The following KCND3 variants were observed in gnomAD, a reference collection of about 807,000 sequenced individuals.
KCND3 encodes the protein A-type voltage-gated potassium channel KCND3.
KCND3 carries 9 observed loss-of-function variants against 51.1 expected under a neutral mutation model. The observed-to-expected ratio is 0.18, with a 90% CI of 0.11 to 0.31. The LOEUF is 0.31. Ranked by LOEUF, KCND3 falls within the 10% of genes least tolerant of loss-of-function variation. The pLI is 1.00. For missense variants in KCND3, 526 were observed against 903.8 expected (o/e 0.58, Z 5.36); for synonymous variants, 349 against 368.0 (o/e 0.95, Z 0.59).
At chr1:111,851,664 C>T (rs1167146237) in intron 2 of KCND3, among the ~76,000 whole-genome samples, 1 of 152,234 alleles carries the variant, frequency 6.6e-6, no homozygotes, top group Non-Finnish European at 1.5e-5. Context: ...CCTCACTAGA[C>T]GTGAGCTCCT....
rs1441984117 is a variant in KCND3, at chr1:111,982,844, C to T, written c.-72-46G>A. 23 of 1,387,496 alleles carry T rather than the reference C, an allele frequency of 1.7e-5. No homozygotes were observed. Among genetic ancestry groups the T allele is most frequent in the Non-Finnish European group, 2.0e-5 (20 of 1,015,598 alleles). 85.9% of individuals were successfully genotyped at this position (1,387,496 alleles called of 1,614,324 possible). ...GAGAGAAGCGGTGAGTCCATATCGA[C>T]TGGCAGGTAAGAAATGGGACACAGG... is the stretch of plus-strand genomic sequence containing the variant. On this transcript the variant is annotated intron_variant, in intron 1 of 7. Coordinates refer to ENST00000302127, the MANE Select transcript of KCND3 (RefSeq NM_001378969.1). The surrounding 1 kb of genome is among the most constrained non-coding windows in gnomAD (Gnocchi z 8.5).
At chr1:111,918,924 GC>G (rs1343694213) in intron 2 of KCND3, among the ~76,000 whole-genome samples, 1 of 151,894 alleles carries the variant, frequency 6.6e-6, no homozygotes, top group Non-Finnish European at 1.5e-5. Context: ...GTGTGTAGAA[GC>G]CCCTGTAGAG....
chr1:111,878,579 A>G (rs1669162613), intron 2 of KCND3, among the ~76,000 whole-genome samples: 1 of 152,212 alleles, frequency 6.6e-6, no homozygotes, highest in Non-Finnish European at 1.5e-5. Context: ...CCTCGTTGTC[A>G]AGTGTTGGTG....
chr1:111,856,242 T>G (rs1571747831), intron 2 of KCND3, among the ~76,000 whole-genome samples: 2 of 152,196 alleles, frequency 1.3e-5, no homozygotes, highest in African/African-American at 4.8e-5. Flanking sequence ...TGGGGAGATG[T>G]TTTCAGAAGT....
intron 1 of KCND3, among the ~76,000 whole-genome samples, chr1:111,988,210 G>A (rs576137554): frequency 7.2e-4 from 110 of 152,250 alleles, no homozygotes; most frequent in Admixed American, 1.7e-3. Flanking sequence ...CCCATGACCC[G>A]GAGGGCTTCT....
At chr1:111,916,919 C>T (rs924567083) in intron 2 of KCND3, among the ~76,000 whole-genome samples, 15 of 152,126 alleles carry the variant, frequency 9.9e-5, no homozygotes, top group Admixed American at 9.2e-4. Context: ...AATCTTTCCA[C>T]AAATAAAATT....
intron 2 of KCND3, among the ~76,000 whole-genome samples, chr1:111,951,983 T>C (rs747107861): frequency 6.6e-6 from 1 of 152,172 alleles, no homozygotes; most frequent in Non-Finnish European, 1.5e-5. Flanking sequence ...AGGAACAGCA[T>C]GAAAGCCAGG....
chr1:111,975,833 C>T (rs1674598416), intron 2 of KCND3, among the ~76,000 whole-genome samples: 1 of 152,144 alleles, frequency 6.6e-6, no homozygotes, highest in South Asian at 2.1e-4. Context: ...GCCTGTTGGA[C>T]TTTGCCTGTT....
intron 2 of KCND3, among the ~76,000 whole-genome samples, chr1:111,890,666 T>C (rs1669783760): frequency 6.6e-6 from 1 of 151,748 alleles, no homozygotes; most frequent in African/African-American, 2.4e-5. Context: ...TGAGTGTAAA[T>C]GGAGAAAAGG....
chr1:111,940,309 T>C (rs1204324023), intron 2 of KCND3, among the ~76,000 whole-genome samples: 1 of 152,150 alleles, frequency 6.6e-6, no homozygotes, highest in Non-Finnish European at 1.5e-5. Context: ...CCCATGCCTA[T>C]GTCCTGAATG....
At chr1:111,935,189 G>A (rs1048709332) in intron 2 of KCND3, among the ~76,000 whole-genome samples, 2 of 152,158 alleles carry the variant, frequency 1.3e-5, no homozygotes, top group African/African-American at 2.4e-5. Flanking sequence ...TAGAGTCACT[G>A]CCATTGGGAA....
At chr1:111,939,670 G>A (rs956873348) in intron 2 of KCND3, among the ~76,000 whole-genome samples, 5 of 152,312 alleles carry the variant, frequency 3.3e-5, no homozygotes, top group African/African-American at 1.2e-4. Context: ...ATTGTGAATA[G>A]TGTCACAATA....
At position 111,981,535 on chromosome 1, in the gene KCND3, C is replaced by T. The variant is rs1239424377; in HGVS notation, c.1106+86G>A. On this transcript the variant is annotated intron_variant, in intron 2 of 7. Transcript: ENST00000302127. This position sits in a 1 kb window ranked among gnomAD's most constrained non-coding sequence, Gnocchi z 6.2. ...GGGTAAGGGACTCCCTCCTCCTCTA[C>T]CCATGGTGACACCATCCAAGGTTTC... is the stretch of plus-strand genomic sequence containing the variant. The T allele has an allele frequency of 1.8e-5, 28 of 1,590,926 alleles. No individual in the cohort carries two copies. The South Asian group carries it at 2.3e-4, about 13-fold the overall frequency.
intron 2 of KCND3, among the ~76,000 whole-genome samples, chr1:111,817,501 T>TA (rs1225785011): frequency 4.6e-5 from 7 of 152,180 alleles, no homozygotes; most frequent in Non-Finnish European, 4.4e-5. Context: ...CCAAATGACT[T>TA]ACACTGGGGG....
chr1:111,835,358 A>T (rs1667023365), intron 2 of KCND3, among the ~76,000 whole-genome samples: 1 of 152,210 alleles, frequency 6.6e-6, no homozygotes, highest in Admixed American at 6.5e-5. Flanking sequence ...CATCTGTCAG[A>T]GGTGTTTGAA....
At chr1:111,821,670 C>T (rs1472835196) in intron 2 of KCND3, among the ~76,000 whole-genome samples, 1 of 152,146 alleles carries the variant, frequency 6.6e-6, no homozygotes, top group Admixed American at 6.5e-5. Flanking sequence ...CTCACCACCC[C>T]CAACTGGAGG....
chr1:111,844,201 T>C (rs1667451404), intron 2 of KCND3, among the ~76,000 whole-genome samples: 1 of 152,182 alleles, frequency 6.6e-6, no homozygotes, highest in Non-Finnish European at 1.5e-5. Context: ...GAACATGAGA[T>C]GAAAGCAAAT....
intron 2 of KCND3, among the ~76,000 whole-genome samples, chr1:111,804,009 T>C (rs1454970560): frequency 6.6e-6 from 1 of 152,184 alleles, no homozygotes; most frequent in Non-Finnish European, 1.5e-5. Context: ...CTACTTTACA[T>C]CCTTTTTATA....
chr1:111,952,203 T>C (rs911003292), intron 2 of KCND3, among the ~76,000 whole-genome samples: 8 of 152,184 alleles, frequency 5.3e-5, no homozygotes, highest in African/African-American at 1.9e-4. Context: ...GCTTTCAGCC[T>C]GGACTAGGGA....
Sources: allele counts gnomAD v4.1 joint callset (sites outside exome capture counted in the v4.1 genomes callset), GRCh38; gene constraint gnomAD v4.1.1; non-coding constraint Gnocchi (gnomAD v3.1); transcripts MANE v1.5; gene names NCBI Gene and HGNC (gene_info 2026-07-23, HGNC 2026-07-21).